Variants in YY1AP1 observed in about 807,000 individuals in gnomAD.
The protein encoded by YY1AP1 is YY1 associated protein 1.
A neutral mutation model predicts 39.9 loss-of-function variants in YY1AP1; 43 were observed. That is an observed-to-expected ratio of 1.08 (90% CI 0.84 to 1.39). The LOEUF (loss-of-function observed/expected upper bound fraction) is 1.39, where lower values mean the gene tolerates loss of function less well. YY1AP1 is among the 40% of genes most tolerant of loss of function. The probability of loss-of-function intolerance (pLI) is 0.00; values close to 1 mark genes in which losing one functional copy is unlikely to be tolerated. For synonymous variants in YY1AP1, 292 were observed against 331.3 expected (o/e 0.88, Z 1.29); for missense variants, 813 against 900.7 (o/e 0.90, Z 1.25).
Position 155,660,194 on chromosome 1 carries a change from G to A in YY1AP1, c.1716C>T (p.Asn572=), listed in dbSNP as rs1194530137. The change falls in exon 11 of 11, where the codon AAC becomes AAT. Residue 572 remains asparagine (N), a synonymous_variant. Transcript: ENST00000355499. ...VKIVSLGGGC[N]MIQPVNAAVA... ...CAGCCGCATTGACAGGCTGGATCAT[G>A]TTACAGCCACCGCCAAGGCTCACAA... The A allele has an allele frequency of 1.2e-6, 2 of 1,614,212 alleles. No homozygotes were observed. Among genetic ancestry groups the A allele is most frequent in the East Asian group, 2.2e-5 (1 of 44,878 alleles).
chr1:155,668,586 G>A, intron 9 of YY1AP1, 41 bp downstream of exon 9: 1 of 1,613,962 alleles, frequency 6.2e-7, no homozygotes, highest in Non-Finnish European at 8.5e-7. Flanking sequence ...ACAGATATGT[G>A]TTGGTGAGGT....
Position 155,668,703 on chromosome 1 carries a change from G to C in YY1AP1, c.803C>G (p.Thr268Ser). The C allele has an allele frequency of 1.2e-6, 2 of 1,614,172 alleles. No individual in the cohort carries two copies. Among genetic ancestry groups the C allele is most frequent in the Non-Finnish European group, 1.7e-6 (2 of 1,180,036 alleles). Residue 268 changes from threonine (T) to serine (S), a missense_variant, in exon 9 of 11, where the codon ACC becomes AGC. Around this residue, in one of 3 missense-constraint regions of YY1AP1, gnomAD observed 586 missense variants for 647.4 expected, o/e 0.91. Transcript: ENST00000355499. The part of the protein sequence containing the change: ...LNPLISKYLL[T>S]CKTARQLTVR... ...TGTCAGTTGGCGGGCAGTCTTGCAG[G>C]TTAGAAGGTACTTGCTGATTAGAGG...
intron 2 of YY1AP1, among the ~76,000 whole-genome samples, chr1:155,683,615 C>T (rs950220863): frequency 6.6e-6 from 1 of 151,918 alleles, no homozygotes; most frequent in Admixed American, 6.6e-5. Context: ...AAAATCCTGC[C>T]ACTGCATTCC....
intron 9 of YY1AP1, among the ~76,000 whole-genome samples, chr1:155,664,323 T>C (rs2149029497): frequency 6.6e-6 from 1 of 152,210 alleles, no homozygotes; most frequent in East Asian, 1.9e-4. Flanking sequence ...CAAAAAATAG[T>C]ACCAAGAGGT....
intron 8 of YY1AP1, among the ~76,000 whole-genome samples, chr1:155,669,998 C>G (rs549060520): frequency 6.6e-6 from 1 of 152,256 alleles, no homozygotes; most frequent in East Asian, 1.9e-4. Context: ...GTACTCCAGC[C>G]TGGGTGACAG....
rs756862707 is a variant in YY1AP1, at chr1:155,688,118, G to T, written c.-68C>A. The T allele has an allele frequency of 2.5e-6, 4 of 1,611,304 alleles. No individual in the cohort carries two copies. The East Asian group carries it at 8.9e-5, about 36-fold the overall frequency. On this transcript the variant is annotated 5_prime_UTR_variant, in exon 2 of 11. Coordinates refer to ENST00000355499, the MANE Select transcript of YY1AP1 (RefSeq NM_139119.3). ...GAGAGTACAGGGAAGTGAGGAAGAG[G>T]GGGTGGCCGCCAGGCTCCTCCGCTT... is the stretch of plus-strand genomic sequence containing the variant.
At chr1:155,662,058 G>A (rs981481109) in intron 9 of YY1AP1, among the ~76,000 whole-genome samples, 41 of 152,092 alleles carry the variant, frequency 2.7e-4, no homozygotes, top group African/African-American at 9.9e-4. Flanking sequence ...GCAATCTTAT[G>A]TAAGATTTGT....
chr1:155,679,712 CTCAACCAG>C (rs1306420371), intron 3 of YY1AP1, 200 bp from the exon 4 acceptor site: 1 of 985,226 alleles, frequency 1.0e-6, no homozygotes, highest in Non-Finnish European at 1.2e-6. Flanking sequence ...AAAGAAGTTG[CTCAACCAG>C]TCAACTTGTA....
chr1:155,671,374 T>C (rs891360329), intron 7 of YY1AP1, among the ~76,000 whole-genome samples: 7 of 150,508 alleles, frequency 4.7e-5, no homozygotes, highest in African/African-American at 1.7e-4. Context: ...GAGGTTGCAG[T>C]GAGCCGAGAT....
chr1:155,688,400 A>G, intron 1 of YY1AP1, 199 bp from the exon 2 acceptor site: 1 of 1,543,880 alleles, frequency 6.5e-7, no homozygotes, highest in Non-Finnish European at 8.8e-7. Context: ...CGACACCCCC[A>G]ACCTCCCACT....
At position 155,670,398 on chromosome 1, in the gene YY1AP1, T is replaced by A. The variant is rs1184905065; in HGVS notation, c.650A>T (p.Tyr217Phe). The A allele has an allele frequency of 1.2e-6, 2 of 1,614,006 alleles. No individual in the cohort carries two copies. Among genetic ancestry groups the A allele is most frequent in the Admixed American group, 1.7e-5 (1 of 60,018 alleles). ...WILATSKVFM[Y>F]PELLPVCSLK... Reference sequence around the variant, plus strand: ...GGAACACACTGGAAGTAACTCTGGATACATGAAAACCTTGCTTGTGGCCAG... The same window carrying A: ...GGAACACACTGGAAGTAACTCTGGAAACATGAAAACCTTGCTTGTGGCCAG... The change falls in exon 8 of 11, where the codon TAT becomes TTT. Residue 217 changes from tyrosine to phenylalanine, a missense_variant. Physicochemically the swap from Tyr to Phe is conservative, Grantham distance 22. This residue lies in a region of YY1AP1 where 586 missense variants were observed against 647.4 expected (regional missense o/e 0.91). Coordinates refer to ENST00000355499, the MANE Select transcript of YY1AP1 (RefSeq NM_139119.3).
intron 9 of YY1AP1, among the ~76,000 whole-genome samples, chr1:155,663,719 AAAAC>A (rs1321017140): frequency 3.3e-5 from 5 of 152,132 alleles, no homozygotes; most frequent in East Asian, 1.9e-4. Context: ...ACTCTGTCTC[AAAAC>A]AAACAAACAA....
At position 155,676,666 on chromosome 1, in the gene YY1AP1, T is replaced by C; in HGVS notation, c.206A>G (p.Lys69Arg). ...KELFEQLKMK[K>R]PSAKQQKEVE... is the part of the protein sequence containing the mutation. ...CTCCTTCTGCTGTTTGGCTGAAGGT[T>C]TCTTCATCTTCAGCTGTTCAAATAG... Residue 69 changes from lysine (K) to arginine (R), a missense_variant, in exon 5 of 11, where the codon AAA becomes AGA. Coordinates refer to ENST00000355499, the MANE Select transcript of YY1AP1 (RefSeq NM_139119.3). 6.2e-7 allele frequency: 1 copy of C among 1,614,148 alleles called. No individual in the cohort carries two copies. The highest frequency in any genetic ancestry group is 8.5e-7 in the Non-Finnish European group (1 of 1,180,030).
At chr1:155,670,256 TA>T (rs1212023176) in intron 8 of YY1AP1, 63 bp downstream of exon 8, 1 of 1,607,362 alleles carries the variant, frequency 6.2e-7, no homozygotes, top group African/African-American at 1.3e-5. Flanking sequence ...TTACTTCCCC[TA>T]AACTCCTCAA....
chr1:155,669,351 T>C (rs1299408173), intron 8 of YY1AP1, among the ~76,000 whole-genome samples: 3 of 152,226 alleles, frequency 2.0e-5, no homozygotes, highest in Non-Finnish European at 4.4e-5. Flanking sequence ...CTACTTTTTC[T>C]ACAACTAATT....
At chr1:155,688,329 AGCG>A in intron 1 of YY1AP1, 128 bp from the exon 2 acceptor site, 1 of 1,549,154 alleles carries the variant, frequency 6.5e-7, no homozygotes, top group Non-Finnish European at 8.7e-7. Context: ...TGGCGGCGGC[AGCG>A]GCGGCAGCAG....
chr1:155,680,002 C>A, intron 3 of YY1AP1: 1 of 236,680 alleles, frequency 4.2e-6, no homozygotes. Context: ...ATGGCAAGAC[C>A]CTGTCTCTAC....
rs1033700305 is a variant in YY1AP1 at position 155,659,666 on chromosome 1, T to C, written c.2244A>G (p.Gly748=). 1 of 1,614,026 alleles carries C rather than the reference T, an allele frequency of 6.2e-7. No individual in the cohort carries two copies. Among genetic ancestry groups the C allele is most frequent in the African/African-American group, 1.3e-5 (1 of 74,916 alleles). The change falls in exon 11 of 11, where the codon GGA becomes GGG. Residue 748 remains glycine, a synonymous_variant. Coordinates refer to ENST00000355499, the MANE Select transcript of YY1AP1 (RefSeq NM_139119.3). ...CTCTTATTCTCCTAGCTCAAAGAAA[T>C]CCACTGATTTCCTCTGTAGCATCTT... ...EPEDATEEIS[G]FL
intron 1 of YY1AP1, chr1:155,688,419 C>T (rs1652993943): frequency 1.3e-6 from 2 of 1,546,174 alleles, no homozygotes; most frequent in Non-Finnish European, 1.7e-6. Context: ...CTCCTCCCTC[C>T]TCGCGTTCTT....
Sources: gnomAD v4.1 joint callset for allele counts (sites outside exome capture counted in the v4.1 genomes callset) on GRCh38, gnomAD v4.1.1 for gene constraint, gnomAD v4.1.1 regional missense constraint, MANE v1.5 for transcripts, NCBI Gene and HGNC (gene_info 2026-07-23, HGNC 2026-07-21) for gene names.